Variants in ABCA8 observed in about 807,000 individuals in gnomAD.
ABCA8 encodes ABC-type organic anion transporter ABCA8.
ABCA8 carries 177 observed loss-of-function variants against 192.3 expected under a neutral mutation model. That is an observed-to-expected ratio of 0.92 (90% CI 0.81 to 1.04). The LOEUF (loss-of-function observed/expected upper bound fraction) is 1.04, where lower values mean the gene tolerates loss of function less well. Among genes scored for constraint, ABCA8 ranks in the 50% least tolerant of loss-of-function variants. The pLI is 0.00. For missense variants in ABCA8, 1,915 were observed against 1,904.8 expected (o/e 1.01, Z -0.10); for synonymous variants, 642 against 690.2 (o/e 0.93, Z 1.09).
chr17:68,907,579 A>C (rs901050564), intron 18 of ABCA8, among the ~76,000 whole-genome samples, 161 bp downstream of exon 18: 2 of 152,156 alleles, frequency 1.3e-5, no homozygotes, highest in Admixed American at 1.3e-4. Flanking sequence ...TCTATTTCCC[A>C]CTATACAGAA....
chr17:68,922,303 G>GA lies in ABCA8; in HGVS notation c.1443-4dup, dbSNP rs746015586. The GA allele has an allele frequency of 8.3e-7, 1 of 1,198,304 alleles. No homozygotes were observed. Among genetic ancestry groups the GA allele is most frequent in the Non-Finnish European group, 1.1e-6 (1 of 917,208 alleles). The allele number at this position is 1,198,304 out of a possible 1,614,324, so 74.2% of individuals were successfully genotyped here. A position where few individuals can be genotyped will look rare whatever the true frequency, so the allele number is the denominator to read the frequency against. Reference sequence around the variant, plus strand: ...ATTCTTTTGTAACATTTCTGATTCTGAAAAAAAGAAAAGATACTTCAAAGT... The same window carrying GA: ...ATTCTTTTGTAACATTTCTGATTCTGAAAAAAAAGAAAAGATACTTCAAAGT... On this transcript the variant is annotated splice_polypyrimidine_tract_variant and splice_region_variant and intron_variant, in intron 11 of 39. Transcript: ENST00000586539.
intron 1 of ABCA8, among the ~76,000 whole-genome samples, chr17:68,950,899 G>T (rs749822762): frequency 5.9e-5 from 9 of 152,272 alleles, no homozygotes; most frequent in Middle Eastern, 3.4e-3. Context: ...CTTGGGCCAA[G>T]AGAAGAAGGG....
At chr17:68,887,180 G>A in intron 25 of ABCA8, 50 bp from the exon 26 acceptor site, 2 of 1,429,558 alleles carry the variant, frequency 1.4e-6, no homozygotes, top group Non-Finnish European at 1.9e-6. Flanking sequence ...TGCAATCAAG[G>A]AAAATATTTA....
chr17:68,868,232 T>TC, intron 39 of ABCA8, 49 bp from the exon 40 acceptor site: 5 of 1,606,456 alleles, frequency 3.1e-6, no homozygotes, highest in Non-Finnish European at 4.3e-6. Context: ...CCGTGCTGCC[T>TC]CTGCAGCTCC....
At chr17:68,901,370 G>T (rs964032839) in intron 21 of ABCA8, among the ~76,000 whole-genome samples, 1 of 152,092 alleles carries the variant, frequency 6.6e-6, no homozygotes, top group Non-Finnish European at 1.5e-5. Flanking sequence ...GTTATCACAC[G>T]AAAAGATGCT....
At chr17:68,871,469 G>A (rs1177658502) in intron 37 of ABCA8, among the ~76,000 whole-genome samples, 4 of 152,166 alleles carry the variant, frequency 2.6e-5, no homozygotes, top group Non-Finnish European at 5.9e-5. Flanking sequence ...ATATCTTATT[G>A]TGGTTTTGAT....
intron 32 of ABCA8, chr17:68,878,804 C>T (rs928788904): frequency 1.3e-5 from 2 of 152,252 alleles, no homozygotes; most frequent in Non-Finnish European, 2.9e-5. Context: ...TCATGAACAT[C>T]TGCTCTCACT....
At chr17:68,909,764 T>C (rs1201330223) in intron 17 of ABCA8, among the ~76,000 whole-genome samples, 2 of 152,104 alleles carry the variant, frequency 1.3e-5, no homozygotes, top group Non-Finnish European at 2.9e-5. Flanking sequence ...TCAAATAACT[T>C]TCTAGGACTT....
At chr17:68,896,185 C>A (rs2066753038) in intron 21 of ABCA8, among the ~76,000 whole-genome samples, 1 of 152,150 alleles carries the variant, frequency 6.6e-6, no homozygotes. Flanking sequence ...CACCAAAAAC[C>A]ATCAAGATTT....
intron 4 of ABCA8, among the ~76,000 whole-genome samples, chr17:68,939,447 C>T (rs1228338211): frequency 6.6e-6 from 1 of 151,424 alleles, no homozygotes; most frequent in African/African-American, 2.4e-5. Context: ...GATTAGTTCT[C>T]GGTGAACCAA....
intron 1 of ABCA8, among the ~76,000 whole-genome samples, chr17:68,953,830 G>A (rs2068637860): frequency 7.2e-5 from 11 of 152,154 alleles, no homozygotes. Flanking sequence ...ACCGGGGGTA[G>A]AGGGTAGTCT....
chr17:68,889,551 G>T (rs1295679176), intron 24 of ABCA8, among the ~76,000 whole-genome samples: 2 of 151,946 alleles, frequency 1.3e-5, no homozygotes, highest in Admixed American at 1.3e-4. Flanking sequence ...ATTTTGGGGG[G>T]TATAATTCTC....
rs561722516 is a variant in ABCA8, at chr17:68,884,894, T to A, written c.3549+302A>T. The A allele has an allele frequency of 2.8e-5, 27 of 970,478 alleles. No homozygotes were observed. The African/African-American group carries it at 4.7e-4, about 17-fold the overall frequency. The allele number at this position is 970,478 out of a possible 1,614,324, so 60.1% of individuals were successfully genotyped here. A position where few individuals can be genotyped will look rare whatever the true frequency, so the allele number is the denominator to read the frequency against. ...TCCCAAAGATTAGGGACATTTCATT[T>A]GCTTCCTTCTAAAGCCGAGCATATC... On this transcript the variant is annotated intron_variant, in intron 27 of 39. Coordinates refer to ENST00000586539, the MANE Select transcript of ABCA8 (RefSeq NM_001288985.2).
intron 25 of ABCA8, 57 bp from the exon 26 acceptor site, chr17:68,887,187 T>C (rs1013005018): frequency 5.7e-6 from 8 of 1,409,320 alleles, no homozygotes; most frequent in Non-Finnish European, 7.8e-6. Flanking sequence ...AAGGAAAATA[T>C]TTAGGATTCA....
intron 27 of ABCA8, 114 bp from the exon 28 acceptor site, chr17:68,884,510 C>G: frequency 1.4e-6 from 2 of 1,392,750 alleles, no homozygotes; most frequent in Non-Finnish European, 1.9e-6. Flanking sequence ...TGAATATCAC[C>G]TAAGTGTCCT....
At chr17:68,884,755 T>C (rs1324447943) in intron 27 of ABCA8, 3 of 985,258 alleles carry the variant, frequency 3.0e-6, no homozygotes, top group South Asian at 4.7e-5. Flanking sequence ...CCCCTTCCCA[T>C]AGATACCTCT....
In ABCA8 at chr17:68,921,500, G is replaced by A; in HGVS notation, c.1502-8C>T. ...AAATGTCAAATACCAGATCTAGGAAGAAAAAAAGAAAGGAAAGAAAGATAA... is the reference window on the plus strand; with the variant it reads ...AAATGTCAAATACCAGATCTAGGAAAAAAAAAAGAAAGGAAAGAAAGATAA... On this transcript the variant is annotated splice_region_variant and splice_polypyrimidine_tract_variant and intron_variant, in intron 12 of 39. Coordinates refer to ENST00000586539, the MANE Select transcript of ABCA8 (RefSeq NM_001288985.2). The A allele has an allele frequency of 6.5e-7, 1 of 1,545,120 alleles. No homozygotes were observed. The highest frequency in any genetic ancestry group is 1.2e-5 in the South Asian group (1 of 83,068).
In ABCA8 at chr17:68,868,224, G is replaced by A. The variant is rs371773417; in HGVS notation, c.4768-41C>T. On this transcript the variant is annotated intron_variant, in intron 39 of 39. Transcript: ENST00000586539. ...GAAATAAAGAGAGGAGAACAATGCC[G>A]TGCTGCCTCTGCAGCTCCCAGGGAA... 6.3e-5 allele frequency: 101 copies of A among 1,605,972 alleles called. No individual in the cohort carries two copies. The African/African-American group carries it at 6.7e-4, about 11-fold the overall frequency.
chr17:68,893,616 CTTCCTTCCTTCATTCT>C (rs1307662300), intron 23 of ABCA8, among the ~76,000 whole-genome samples: 1 of 148,780 alleles, frequency 6.7e-6, no homozygotes. Flanking sequence ...TCATTCCTTC[CTTCCTTCCTTCATTCT>C]TTCCTTCCTT....
Sources: gnomAD v4.1 joint callset for allele counts (sites outside exome capture counted in the v4.1 genomes callset) on GRCh38, gnomAD v4.1.1 for gene constraint, MANE v1.5 for transcripts, NCBI Gene and HGNC (gene_info 2026-07-23, HGNC 2026-07-21) for gene names.